The following RAP2C variants were observed in gnomAD, a reference collection of about 807,000 sequenced individuals.
The protein encoded by RAP2C is ras-related protein Rap-2c.
Under a neutral mutation model 8.9 loss-of-function variants are expected in RAP2C, and 3 were observed. That is an observed-to-expected ratio of 0.34 (90% CI 0.15 to 0.87). The LOEUF (loss-of-function observed/expected upper bound fraction) is 0.87, where lower values mean the gene tolerates loss of function less well. Ranked by LOEUF, RAP2C falls within the 40% of genes least tolerant of loss-of-function variation. RAP2C has a pLI of 0.51. For synonymous variants in RAP2C, 60 were observed against 52.1 expected, an observed-to-expected ratio of 1.15 and a Z score of -0.65; for missense variants, 76 against 133.7, an observed-to-expected ratio of 0.57 and a Z score of 2.13.
Position 132,204,980 on chromosome X carries a change from C to CAAAAAAAAAAAA in RAP2C, c.*630_*641dup, listed in dbSNP as rs58119368. ...TGTAACCTTCAGAACATGTTAATTA[C>CAAAAAAAAAAAA]AAAAAAAAAAAAAAAAAAACAAAAC... On this transcript the variant is annotated 3_prime_UTR_variant, in exon 6 of 6. Transcript: ENST00000370874. 3.9e-5 allele frequency: 2 copies of CAAAAAAAAAAAA among 51,646 alleles called. No individual in the cohort carries two copies. Among genetic ancestry groups the CAAAAAAAAAAAA allele is most frequent in the Non-Finnish European group, 7.4e-5 (2 of 27,139 alleles). The allele number at this position is 51,646 out of a possible 1,213,427, so 4.3% of individuals were successfully genotyped here. A position where few individuals can be genotyped will look rare whatever the true frequency, so the allele number is the denominator to read the frequency against.
intron 4 of RAP2C, 91 bp from the exon 5 acceptor site, chrX:132,214,537 C>T: frequency 1.8e-6 from 2 of 1,095,274 alleles, no homozygotes; most frequent in Non-Finnish European, 1.2e-6. Flanking sequence ...AGTCATACCT[C>T]AGTGAGTATA....
chrX:132,218,698 C>T (rs1414202006), intron 1 of RAP2C: 2 of 111,576 alleles, frequency 1.8e-5, no homozygotes, highest in Non-Finnish European at 3.8e-5. Context: ...CTGGTAGATC[C>T]GCCTTGACTT....
chrX:132,205,942 C>G (rs1930261588), intron 5 of RAP2C, among the ~76,000 whole-genome samples: 1 of 111,842 alleles, frequency 8.9e-6, no homozygotes, highest in South Asian at 3.7e-4. Context: ...AATGCTGCTT[C>G]TACTTTGAAC....
chrX:132,212,621 G>A (rs1039323626), intron 5 of RAP2C, among the ~76,000 whole-genome samples: 1 of 112,223 alleles, frequency 8.9e-6, no homozygotes, highest in Non-Finnish European at 1.9e-5. Context: ...AGACACTTAC[G>A]TTATCTGCCC....
intron 1 of RAP2C, among the ~76,000 whole-genome samples, chrX:132,219,149 TCA>T (rs1012318838): frequency 2.7e-5 from 3 of 111,919 alleles, no homozygotes; most frequent in African/African-American, 9.8e-5. Context: ...TTTAGGTGTG[TCA>T]CTTTCTTTTC....
Position 132,205,515 on chromosome X carries a change from A to T in RAP2C, c.*107T>A, listed in dbSNP as rs762826270. The T allele has an allele frequency of 1.8e-5, 2 of 111,924 alleles. No individual in the cohort carries two copies. The highest frequency in any genetic ancestry group is 7.4e-4 in the South Asian group (2 of 2,692). The allele number at this position is 111,924 out of a possible 1,213,427, so 9.2% of individuals were successfully genotyped here. On this transcript the variant is annotated 3_prime_UTR_variant, in exon 6 of 6. Transcript: ENST00000370874. ...ATGCTGTAATAGAGACAGGTTTACC[A>T]AGGCTCAGTTCTGCAACCCAGGTTG...
chrX:132,203,639 AT>A lies in RAP2C; in HGVS notation c.*1982del, dbSNP rs1930188930. ...TAGAAAATTTAAATCATGATGAATT[AT>A]TTGATTCCTTTAGAATTTCACAAAG... On this transcript the variant is annotated 3_prime_UTR_variant, in exon 6 of 6. Transcript: ENST00000370874. 9.0e-6 allele frequency: 1 copy of A among 111,632 alleles called. No individual in the cohort carries two copies. The highest frequency in any genetic ancestry group is 1.9e-5 in the Non-Finnish European group (1 of 52,984). 9.2% of individuals were successfully genotyped at this position (111,632 alleles called of 1,213,427 possible).
In RAP2C at chrX:132,204,687, T is replaced by C. The variant is rs1930218755; in HGVS notation, c.*935A>G. On this transcript the variant is annotated 3_prime_UTR_variant, in exon 6 of 6. Transcript: ENST00000370874. The stretch of plus-strand genomic sequence containing the variant: ...TTTTATTTGAATTCAATTTTACATG[T>C]GCAGAAGTCTACTAGATGTCAATTA... The C allele has an allele frequency of 8.9e-6, 1 of 111,754 alleles. No homozygotes were observed. The highest frequency in any genetic ancestry group is 3.3e-5 in the African/African-American group (1 of 30,708). 9.2% of individuals were successfully genotyped at this position (111,754 alleles called of 1,213,427 possible). A position where few individuals can be genotyped will look rare whatever the true frequency, so the allele number is the denominator to read the frequency against.
At chrX:132,210,957 C>T (rs188193391) in intron 5 of RAP2C, among the ~76,000 whole-genome samples, 149 of 110,536 alleles carry the variant, frequency 1.3e-3, no homozygotes, top group African/African-American at 4.8e-3. Context: ...CCCACCCCTA[C>T]CACCAGTCCC....
At position 132,203,370 on chromosome X, in the gene RAP2C, A is replaced by T. The variant is rs1930174811; in HGVS notation, c.*2252T>A. On this transcript the variant is annotated 3_prime_UTR_variant, in exon 6 of 6. Coordinates refer to ENST00000370874, the MANE Select transcript of RAP2C (RefSeq NM_001271186.2). Reference sequence around the variant, plus strand: ...AACATGCAATCTATTGAGGAAGCTAAAATAACTTTTGGTCCCTTTTCTTAA... The same window carrying T: ...AACATGCAATCTATTGAGGAAGCTATAATAACTTTTGGTCCCTTTTCTTAA... The T allele has an allele frequency of 9.0e-6, 1 of 111,468 alleles. No individual in the cohort carries two copies. Among genetic ancestry groups the T allele is most frequent in the Non-Finnish European group, 1.9e-5 (1 of 53,000 alleles). 9.2% of individuals were successfully genotyped at this position (111,468 alleles called of 1,213,427 possible).
intron 1 of RAP2C, chrX:132,218,921 A>G (rs1271724957): frequency 5.3e-5 from 6 of 112,556 alleles, no homozygotes; most frequent in Non-Finnish European, 1.9e-5. Context: ...ATGTATAACA[A>G]TTTGCTTGGC....
intron 5 of RAP2C, among the ~76,000 whole-genome samples, chrX:132,213,495 C>T (rs774942686): frequency 4.6e-4 from 51 of 111,218 alleles, no homozygotes; most frequent in African/African-American, 1.5e-3. Flanking sequence ...TTTTTTTATG[C>T]ATGAAACTGT....
In RAP2C at chrX:132,205,413, G is replaced by A. The variant is rs773274613; in HGVS notation, c.*209C>T. On this transcript the variant is annotated 3_prime_UTR_variant, in exon 6 of 6. Transcript: ENST00000370874. Reference sequence around the variant, plus strand: ...AATGGATTTTAAACGTATGGTAAACGTGCTAAGCATTCCTGTTTAAGGTCG... The same window carrying A: ...AATGGATTTTAAACGTATGGTAAACATGCTAAGCATTCCTGTTTAAGGTCG... The A allele has an allele frequency of 8.9e-6, 1 of 111,988 alleles. No individual in the cohort carries two copies. The highest frequency in any genetic ancestry group is 1.9e-5 in the Non-Finnish European group (1 of 53,141). 9.2% of individuals were successfully genotyped at this position (111,988 alleles called of 1,213,427 possible).
chrX:132,217,085 C>A lies in RAP2C; in HGVS notation c.184G>T (p.Glu62Ter). The stretch of plus-strand genomic sequence containing the variant: ...AGATCTCTCATGGAGGCAAACTGCT[C>A]AGTTCCTGCGGTGTCCAGAATTTCC... Reference protein sequence around the residue: ...VLEILDTAGTEQFASMRDLYI... With the variant: ...VLEILDTAGT The change falls in exon 4 of 6, where the codon GAG (glutamate) becomes TAG (stop). Residue 62 changes from glutamate (E) to a stop codon, truncating the protein, a stop_gained. Transcript: ENST00000370874. LOFTEE classifies it high-confidence loss of function. 8.3e-7 allele frequency: 1 copy of A among 1,198,124 alleles called. No individual in the cohort carries two copies. The highest frequency in any genetic ancestry group is 1.1e-6 in the Non-Finnish European group (1 of 888,500).
chrX:132,214,054 T>C (rs758676138), intron 5 of RAP2C, 80 bp downstream of exon 5: 1 of 817,292 alleles, frequency 1.2e-6, no homozygotes, highest in Admixed American at 3.4e-5. Flanking sequence ...GCCATATGTA[T>C]TAACACTAAC....
At chrX:132,207,826 G>A (rs974649145) in intron 5 of RAP2C, among the ~76,000 whole-genome samples, 7 of 111,418 alleles carry the variant, frequency 6.3e-5, no homozygotes, top group African/African-American at 1.6e-4. Flanking sequence ...ATTCAAGCAC[G>A]TTGCAAATGT....
In RAP2C at chrX:132,205,203, C is replaced by G. The variant is rs1418484321; in HGVS notation, c.*419G>C. ...TACAGAAGTAACCATTTGTTTAAGGCTCAATTTTTTCTCCATTATAACTTT... is the reference window on the plus strand; with the variant it reads ...TACAGAAGTAACCATTTGTTTAAGGGTCAATTTTTTCTCCATTATAACTTT... On this transcript the variant is annotated 3_prime_UTR_variant, in exon 6 of 6. Transcript: ENST00000370874. 8.9e-6 allele frequency: 1 copy of G among 111,767 alleles called. No homozygotes were observed. The highest frequency in any genetic ancestry group is 3.3e-5 in the African/African-American group (1 of 30,719). 9.2% of individuals were successfully genotyped at this position (111,767 alleles called of 1,213,427 possible).
Position 132,215,804 on chromosome X carries a change from T to C in RAP2C, c.273+1192A>G, listed in dbSNP as rs1454871972. 2.7e-5 allele frequency among the ~76,000 whole-genome samples: 3 copies of C among 111,598 alleles called. No homozygotes were observed. The East Asian group carries it at 8.4e-4, about 31-fold the overall frequency. On this transcript the variant is annotated intron_variant, in intron 4 of 5. Transcript: ENST00000370874. ...CTGGGGGAAAATGCTTTTATGATAC[T>C]ATTGTTTGGGAATTTATGCCTACAT...
chrX:132,211,409 G>A (rs994621716), intron 5 of RAP2C, among the ~76,000 whole-genome samples: 5 of 111,550 alleles, frequency 4.5e-5, no homozygotes, highest in Admixed American at 9.5e-5. Context: ...ACCAGAACAG[G>A]GTGACAATGC....
Sources: allele counts gnomAD v4.1 joint callset (sites outside exome capture counted in the v4.1 genomes callset), GRCh38; gene constraint gnomAD v4.1.1; transcripts MANE v1.5; gene names NCBI Gene and HGNC (gene_info 2026-07-23, HGNC 2026-07-21).